WASHC5: variants seen among roughly 807,000 people sequenced by gnomAD.
WASHC5 encodes WASH complex subunit 5, also known as WASH complex subunit strumpellin.
A neutral mutation model predicts 150.4 loss-of-function variants in WASHC5; 101 were observed. That is an observed-to-expected ratio of 0.67 (90% CI 0.57 to 0.79). The LOEUF (loss-of-function observed/expected upper bound fraction) is 0.79. Among genes scored for constraint, WASHC5 ranks in the 30% least tolerant of loss-of-function variants. The pLI is 0.00. For synonymous variants in WASHC5, 467 were observed against 491.2 expected, an observed-to-expected ratio of 0.95 and a Z score of 0.65; for missense variants, 1,195 against 1,396.3, an observed-to-expected ratio of 0.86 and a Z score of 2.30.
chr8:125,086,928 G>A (rs1817438037), intron 1 of WASHC5, among the ~76,000 whole-genome samples: 1 of 152,220 alleles, frequency 6.6e-6, no homozygotes. Flanking sequence ...GGTCCACTCA[G>A]CCCCCAGCTC....
chr8:125,048,833 G>C (rs548688943), intron 19 of WASHC5, among the ~76,000 whole-genome samples, 173 bp downstream of exon 19: 4 of 152,136 alleles, frequency 2.6e-5, no homozygotes, highest in Admixed American at 2.0e-4. Flanking sequence ...GTGAGCTCCC[G>C]GAAGTTACAT....
chr8:125,046,852 CGCTCCTATGAGAATCTAAT>C (rs1358357494), intron 20 of WASHC5, among the ~76,000 whole-genome samples: 1 of 152,142 alleles, frequency 6.6e-6, no homozygotes, highest in Non-Finnish European at 1.5e-5. Flanking sequence ...GCAAAGTTCA[CGCTCCTATGAGAATCTAAT>C]GCTCCTATGA....
Position 125,044,713 on chromosome 8 carries a change from A to G in WASHC5, c.2505-15T>C. ...GACATGTCATTCTAAAATGAAAACAATGCAAAAACCCCAGAATGGCTCAGA... is the reference window on the plus strand; with the variant it reads ...GACATGTCATTCTAAAATGAAAACAGTGCAAAAACCCCAGAATGGCTCAGA... On this transcript the variant is annotated splice_polypyrimidine_tract_variant and intron_variant, in intron 20 of 28. Transcript: ENST00000318410. 1 of 1,613,410 alleles carries G rather than the reference A, an allele frequency of 6.2e-7. No individual in the cohort carries two copies. Among genetic ancestry groups the G allele is most frequent in the South Asian group, 1.1e-5 (1 of 91,060 alleles).
chr8:125,050,589 C>T lies in WASHC5; in HGVS notation c.2174G>A (p.Gly725Glu), dbSNP rs765707622. 10 of 1,613,790 alleles carry T rather than the reference C, an allele frequency of 6.2e-6. No individual in the cohort carries two copies. The highest frequency in any genetic ancestry group is 1.3e-5 in the African/African-American group (1 of 74,920). Residue 725 changes from glycine (G) to glutamate (E), a missense_variant, in exon 18 of 29, where the codon GGA becomes GAA. Gly to Glu is a moderately conservative substitution (Grantham distance 98). Transcript: ENST00000318410. The part of the protein sequence containing the change: ...VKRVAFALHR[G>E]LIFNPRAKPS... ...CTTGGCTCGAGGGTTGAATATCAGT[C>T]CCCTATGCAGGGCAAAGGCAACGCG...
chr8:125,073,841 A>G (rs2130167961), intron 8 of WASHC5, among the ~76,000 whole-genome samples: 1 of 152,216 alleles, frequency 6.6e-6, no homozygotes, highest in East Asian at 1.9e-4. Context: ...TCAAATTTCA[A>G]ACGGAGACTT....
chr8:125,091,441 G>C (rs1817638040), intron 1 of WASHC5, among the ~76,000 whole-genome samples, 174 bp downstream of exon 1: 1 of 152,196 alleles, frequency 6.6e-6, no homozygotes, highest in Non-Finnish European at 1.5e-5. Context: ...CCCCTAAGCG[G>C]AGACGAAGAG....
chr8:125,038,948 G>A lies in WASHC5; in HGVS notation c.2966C>T (p.Ala989Val). ...ALENLNKALL[A>V]DIEAHYQDPS... ...GTCCTGATAGTGGGCTTCAATGTCT[G>A]CTAGGAGAGCCCTAAAGGAAGAAAA... is the stretch of plus-strand genomic sequence containing the variant. The change falls in exon 25 of 29, where the codon GCA becomes GTA. Residue 989 changes from alanine to valine, a missense_variant. This residue lies in a region of WASHC5 where 997 missense variants were observed against 1,168.1 expected (regional missense o/e 0.85). Transcript: ENST00000318410. The A allele has an allele frequency of 6.2e-7, 1 of 1,613,824 alleles. No homozygotes were observed. Among genetic ancestry groups the A allele is most frequent in the Non-Finnish European group, 8.5e-7 (1 of 1,179,736 alleles).
At chr8:125,081,559 T>C in intron 5 of WASHC5, 102 bp downstream of exon 5, 1 of 788,102 alleles carries the variant, frequency 1.3e-6, no homozygotes, top group Non-Finnish European at 2.3e-6. Context: ...CTTTCTTATC[T>C]ATTCTTGGAT....
At chr8:125,064,851 G>A (rs543757675) in intron 10 of WASHC5, among the ~76,000 whole-genome samples, 37 of 152,224 alleles carry the variant, frequency 2.4e-4, no homozygotes, top group African/African-American at 8.7e-4. Context: ...GGAATTTTGC[G>A]GGGCCTGTAG....
At chr8:125,058,731 A>AAAG (rs920677853) in intron 14 of WASHC5, among the ~76,000 whole-genome samples, 1 of 122,756 alleles carries the variant, frequency 8.1e-6, no homozygotes, top group Non-Finnish European at 1.5e-5. Context: ...TCAAAAAAAA[A>AAAG]AAGAAGAAGA....
Position 125,025,277 on chromosome 8 carries a change from G to C in WASHC5, c.3424-604C>G, listed in dbSNP as rs540735512. Among the ~76,000 whole-genome samples, 78 of 152,240 alleles carry C rather than the reference G, an allele frequency of 5.1e-4. 2 individuals carry two copies. In the South Asian group the frequency reaches 0.016, roughly 31 times the overall value. Reference sequence around the variant, plus strand: ...GTTTAATTTTTTTTCTGATCATAAAGGTATAACCTGCTAATGAGAGGAAAT... The same window carrying C: ...GTTTAATTTTTTTTCTGATCATAAACGTATAACCTGCTAATGAGAGGAAAT... On this transcript the variant is annotated intron_variant, in intron 28 of 28. Coordinates refer to ENST00000318410, the MANE Select transcript of WASHC5 (RefSeq NM_014846.4).
Position 125,076,336 on chromosome 8 carries a change from A to G in WASHC5, c.864+12T>C. 6.2e-7 allele frequency: 1 copy of G among 1,613,460 alleles called. No individual in the cohort carries two copies. Among genetic ancestry groups the G allele is most frequent in the Admixed American group, 1.7e-5 (1 of 60,010 alleles). The stretch of plus-strand genomic sequence containing the variant: ...ACATTTACTGTAGAGGAAAAAAATT[A>G]GCAATACTTGCCCAATTATCTGGAA... On this transcript the variant is annotated intron_variant, in intron 7 of 28. Coordinates refer to ENST00000318410, the MANE Select transcript of WASHC5 (RefSeq NM_014846.4).
intron 4 of WASHC5, 24 bp downstream of exon 4, chr8:125,082,359 T>C (rs1320755526): frequency 7.8e-7 from 1 of 1,279,834 alleles, no homozygotes; most frequent in Admixed American, 1.7e-5. Context: ...TTGAATTTCA[T>C]TTTAAATAAT....
intron 26 of WASHC5, among the ~76,000 whole-genome samples, chr8:125,033,006 C>T (rs1815586345): frequency 6.6e-6 from 1 of 151,920 alleles, no homozygotes; most frequent in Admixed American, 6.6e-5. Context: ...AATCACAGCA[C>T]ATTATAGCCT....
intron 1 of WASHC5, among the ~76,000 whole-genome samples, chr8:125,085,811 C>T (rs973375154): frequency 3.3e-5 from 5 of 152,166 alleles, no homozygotes; most frequent in South Asian, 2.1e-4. Flanking sequence ...AATAACTCCT[C>T]GGACTTGATG....
At chr8:125,080,034 T>C (rs987347456) in intron 5 of WASHC5, among the ~76,000 whole-genome samples, 9 of 152,202 alleles carry the variant, frequency 5.9e-5, no homozygotes, top group African/African-American at 2.2e-4. Flanking sequence ...AGAGATCTAA[T>C]AAACAGGTCT....
At chr8:125,057,929 T>C (rs1041609004) in intron 14 of WASHC5, among the ~76,000 whole-genome samples, 1 of 152,052 alleles carries the variant, frequency 6.6e-6, no homozygotes, top group Non-Finnish European at 1.5e-5. Context: ...CCACACTGAC[T>C]TAGTCAGACA....
intron 17 of WASHC5, among the ~76,000 whole-genome samples, chr8:125,054,358 C>T (rs1184760781): frequency 6.6e-6 from 1 of 152,176 alleles, no homozygotes; most frequent in South Asian, 2.1e-4. Context: ...AGCACATGCA[C>T]ACATCAAATA....
At chr8:125,081,832 T>C (rs1009476364) in intron 4 of WASHC5, 71 bp from the exon 5 acceptor site, 5 of 901,140 alleles carry the variant, frequency 5.5e-6, no homozygotes, top group Non-Finnish European at 9.3e-6. Flanking sequence ...TCGGTAATCA[T>C]GAAAAATATT....
Sources: allele counts gnomAD v4.1 joint callset (sites outside exome capture counted in the v4.1 genomes callset), GRCh38; gene constraint gnomAD v4.1.1; regional missense constraint gnomAD v4.1.1; transcripts MANE v1.5; gene names NCBI Gene and HGNC (gene_info 2026-07-23, HGNC 2026-07-21).